The following NCAM1 variants were observed in gnomAD, a reference collection of about 807,000 sequenced individuals.
NCAM1 encodes the protein neural cell adhesion molecule 1, also known as antigen recognized by monoclonal antibody 5.1H11.
A neutral mutation model predicts 109.8 loss-of-function variants in NCAM1; 14 were observed. The observed-to-expected ratio is 0.13, with a 90% confidence interval of 0.08 to 0.20. The LOEUF is 0.20. Among genes scored for constraint, NCAM1 ranks in the 10% least tolerant of loss-of-function variants. The pLI, the probability that NCAM1 is intolerant of heterozygous loss-of-function variation, is 1.00. For missense variants in NCAM1, 774 were observed against 1,109.9 expected (o/e 0.70, Z 4.30); for synonymous variants, 418 against 442.9 (o/e 0.94, Z 0.70).
chr11:113,232,670 G>T (rs1555117528), intron 11 of NCAM1, 48 bp from the exon 12 acceptor site: 2 of 1,417,292 alleles, frequency 1.4e-6, no homozygotes, highest in South Asian at 2.3e-5. Flanking sequence ...CTGAGTCTGT[G>T]ACCATCCCAT....
intron 1 of NCAM1, among the ~76,000 whole-genome samples, chr11:113,025,384 G>A (rs1450146098): frequency 1.3e-5 from 2 of 151,868 alleles, no homozygotes; most frequent in African/African-American, 2.4e-5. Context: ...ATTATTTGCC[G>A]AGCACCTACT....
intron 1 of NCAM1, among the ~76,000 whole-genome samples, chr11:112,998,839 C>T (rs1389338193): frequency 1.3e-5 from 2 of 152,092 alleles, no homozygotes; most frequent in Non-Finnish European, 2.9e-5. Context: ...GGGAATTTCT[C>T]CATCAGTTAA....
chr11:112,966,937 A>G (rs1293100799), intron 1 of NCAM1, among the ~76,000 whole-genome samples: 1 of 152,236 alleles, frequency 6.6e-6, no homozygotes, highest in African/African-American at 2.4e-5. Context: ...CTAAAAGGAT[A>G]AGCTATTTGG....
rs144500232 is a variant in NCAM1 at position 112,991,069 on chromosome 11, T to C, written c.52+29405T>C. Among the ~76,000 whole-genome samples, 416 of 152,308 alleles carry C rather than the reference T, an allele frequency of 2.7e-3. 1 individual carries two copies. Among genetic ancestry groups the C allele is most frequent in the African/African-American group, 9.6e-3 (399 of 41,562 alleles). On this transcript the variant is annotated intron_variant, in intron 1 of 19. Coordinates refer to ENST00000316851, the MANE Select transcript of NCAM1 (RefSeq NM_181351.5). ...TGTGTTTTCTGCACGTGTTTTGCCA[T>C]CTTACTGGTGTTCTCTTGTGTTTTC...
At chr11:113,038,198 G>A (rs782732710) in intron 1 of NCAM1, among the ~76,000 whole-genome samples, 8 of 152,140 alleles carry the variant, frequency 5.3e-5, no homozygotes, top group African/African-American at 1.9e-4. Flanking sequence ...CATGTTGTTC[G>A]AATTATCGCT....
At chr11:113,147,983 A>G (rs918816468) in intron 1 of NCAM1, among the ~76,000 whole-genome samples, 9 of 152,256 alleles carry the variant, frequency 5.9e-5, no homozygotes, top group African/African-American at 2.2e-4. Context: ...ACTATGTGTG[A>G]AAACACTTTA....
At chr11:113,214,555 C>T in intron 8 of NCAM1, 44 bp downstream of exon 8, 1 of 1,559,614 alleles carries the variant, frequency 6.4e-7, no homozygotes, top group Non-Finnish European at 8.7e-7. Flanking sequence ...AATGCAGACT[C>T]AAAGCAGATT....
intron 1 of NCAM1, among the ~76,000 whole-genome samples, chr11:113,126,377 G>A (rs1371440184): frequency 6.6e-6 from 1 of 152,080 alleles, no homozygotes; most frequent in Non-Finnish European, 1.5e-5. Flanking sequence ...CTTGCTCAAG[G>A]TCATACAACT....
intron 1 of NCAM1, among the ~76,000 whole-genome samples, chr11:113,107,725 C>T (rs573887420): frequency 1.2e-4 from 18 of 152,150 alleles, no homozygotes; most frequent in African/African-American, 4.3e-4. Flanking sequence ...CCACTGGGTC[C>T]CTCCCACAAT....
At chr11:113,203,746 T>G (rs1423068725) in intron 2 of NCAM1, among the ~76,000 whole-genome samples, 1 of 152,236 alleles carries the variant, frequency 6.6e-6, no homozygotes, top group Non-Finnish European at 1.5e-5. Context: ...TGCAGGCAGA[T>G]GCTAGAATAA....
chr11:113,141,314 G>A (rs782660763), intron 1 of NCAM1, among the ~76,000 whole-genome samples: 2 of 152,108 alleles, frequency 1.3e-5, no homozygotes, highest in Non-Finnish European at 2.9e-5. Flanking sequence ...TGGCAGTATC[G>A]CTGTGAGTCA....
intron 1 of NCAM1, among the ~76,000 whole-genome samples, chr11:113,062,228 T>C (rs963620404): frequency 1.3e-5 from 2 of 152,220 alleles, no homozygotes; most frequent in African/African-American, 4.8e-5. Flanking sequence ...GGAAACCTTG[T>C]ACCCATTAAG....
At position 113,207,308 on chromosome 11, in the gene NCAM1, A is replaced by G; in HGVS notation, c.676A>G (p.Asn226Asp). The change falls in exon 6 of 20, where the codon AAC (asparagine) becomes GAC (aspartate). Residue 226 changes from asparagine to aspartate, a missense_variant. By Grantham distance (23) the Asn-to-Asp change is conservative. Transcript: ENST00000316851. Reference sequence around the variant, plus strand: ...GCAGAATATTGTGAATGCCACCGCCAACCTCGGCCAGTCCGTCACCCTGGT... The same window carrying G: ...GCAGAATATTGTGAATGCCACCGCCGACCTCGGCCAGTCCGTCACCCTGGT... Reference protein sequence around the residue: ...ARQNIVNATANLGQSVTLVCD... With the variant: ...ARQNIVNATADLGQSVTLVCD... 1 of 1,613,906 alleles carries G rather than the reference A, an allele frequency of 6.2e-7. No homozygotes were observed. The highest frequency in any genetic ancestry group is 8.5e-7 in the Non-Finnish European group (1 of 1,179,908).
At chr11:113,255,292 C>T (rs1479216097) in intron 15 of NCAM1, among the ~76,000 whole-genome samples, 4 of 151,962 alleles carry the variant, frequency 2.6e-5, no homozygotes, top group Non-Finnish European at 5.9e-5. Context: ...TAATCACAAC[C>T]GGAAACTTCT....
intron 1 of NCAM1, among the ~76,000 whole-genome samples, chr11:113,185,650 G>A (rs1302719098): frequency 9.2e-5 from 14 of 152,196 alleles, no homozygotes; most frequent in African/African-American, 2.9e-4. Context: ...ACTGCTTAAC[G>A]TAATACATGG....
intron 8 of NCAM1, among the ~76,000 whole-genome samples, chr11:113,217,554 T>C (rs1205496323): frequency 1.3e-5 from 2 of 152,178 alleles, no homozygotes; most frequent in South Asian, 2.1e-4. Context: ...GGAGGGCTAC[T>C]GCCTCTTTGA....
intron 1 of NCAM1, among the ~76,000 whole-genome samples, chr11:112,978,007 C>T (rs186672946): frequency 4.0e-5 from 6 of 151,890 alleles, no homozygotes; most frequent in Admixed American, 3.9e-4. Context: ...AGAAGAGTCC[C>T]TTTTGGCCAC....
intron 1 of NCAM1, among the ~76,000 whole-genome samples, chr11:112,991,878 A>G (rs1591222565): frequency 6.6e-6 from 1 of 152,202 alleles, no homozygotes; most frequent in Admixed American, 6.5e-5. Flanking sequence ...GTAATGTAAC[A>G]GTTTACATCT....
At chr11:113,218,081 G>A (rs1315943853) in intron 8 of NCAM1, among the ~76,000 whole-genome samples, 2 of 152,224 alleles carry the variant, frequency 1.3e-5, no homozygotes, top group African/African-American at 2.4e-5. Flanking sequence ...TAAAGTAGTA[G>A]AGTAGTCAGT....
Sources: allele counts gnomAD v4.1 joint callset (sites outside exome capture counted in the v4.1 genomes callset), GRCh38; gene constraint gnomAD v4.1.1; transcripts MANE v1.5; gene names NCBI Gene and HGNC (gene_info 2026-07-23, HGNC 2026-07-21).